MICAL3: variants seen among roughly 807,000 people sequenced by gnomAD.
The protein encoded by MICAL3 is [F-actin]-monooxygenase MICAL3.
MICAL3 carries 62 observed loss-of-function variants against 207.4 expected under a neutral mutation model. That is an observed-to-expected ratio of 0.30 (90% confidence interval 0.24 to 0.37). The LOEUF (loss-of-function observed/expected upper bound fraction) is 0.37, where lower values mean the gene tolerates loss of function less well. Ranked by LOEUF, MICAL3 falls within the 10% of genes least tolerant of loss-of-function variation. The pLI, the probability that MICAL3 is intolerant of heterozygous loss-of-function variation, is 1.00. For synonymous variants in MICAL3, 1,077 were observed against 1,069.3 expected, an observed-to-expected ratio of 1.01 and a Z score of -0.14; for missense variants, 2,368 against 2,635.6, an observed-to-expected ratio of 0.90 and a Z score of 2.22.
intron 19 of MICAL3, among the ~76,000 whole-genome samples, chr22:17,847,615 C>CCGA (rs1569092924): frequency 2.0e-5 from 3 of 152,040 alleles, no homozygotes; most frequent in Admixed American, 6.5e-5. Flanking sequence ...ATAAAAGGGG[C>CCGA]CGACCGTGAC....
intron 1 of MICAL3, among the ~76,000 whole-genome samples, chr22:18,007,000 G>C (rs1045545495): frequency 2.0e-5 from 3 of 152,104 alleles, no homozygotes; most frequent in African/African-American, 7.2e-5. Context: ...GAGATTACAG[G>C]CACCCGCCAT....
Position 17,860,995 on chromosome 22 carries a change from A to C in MICAL3, c.2605+3904T>G, listed in dbSNP as rs183420543. 1.2e-5 allele frequency: 12 copies of C among 985,074 alleles called. No homozygotes were observed. In the African/African-American group the frequency reaches 2.1e-4, roughly 17 times the overall value. 61.0% of individuals were successfully genotyped at this position (985,074 alleles called of 1,614,324 possible). A position where few individuals can be genotyped will look rare whatever the true frequency, so the allele number is the denominator to read the frequency against. On this transcript the variant is annotated intron_variant, in intron 19 of 31. Coordinates refer to ENST00000441493, the MANE Select transcript of MICAL3 (RefSeq NM_015241.3). Reference sequence around the variant, plus strand: ...TATGTGCAATTAGATCTATATACATACAAACGTGTACCTATATATAAACAT... The same window carrying C: ...TATGTGCAATTAGATCTATATACATCCAAACGTGTACCTATATATAAACAT...
At chr22:18,016,446 C>G (rs1323663606) in intron 1 of MICAL3, among the ~76,000 whole-genome samples, 1 of 152,076 alleles carries the variant, frequency 6.6e-6, no homozygotes, top group Non-Finnish European at 1.5e-5. Context: ...CTTTTAACAA[C>G]TATAGACAGG....
intron 1 of MICAL3, chr22:18,001,641 C>T (rs1461208863): frequency 6.6e-6 from 1 of 152,596 alleles, no homozygotes; most frequent in Non-Finnish European, 1.5e-5. Context: ...TCAGGGACTC[C>T]ATTGCTACTT....
chr22:17,888,546 C>G (rs536584983), intron 13 of MICAL3, among the ~76,000 whole-genome samples: 33 of 152,266 alleles, frequency 2.2e-4, no homozygotes, highest in Middle Eastern at 3.4e-3. Context: ...ACATCGTTCT[C>G]CGGTGCTCAA....
intron 1 of MICAL3, chr22:18,004,229 T>C (rs1029897749): frequency 6.6e-6 from 1 of 152,178 alleles, no homozygotes; most frequent in Admixed American, 6.6e-5. Flanking sequence ...ATAACCCAAC[T>C]GTCCATGCTC....
chr22:17,817,641 A>G lies in MICAL3; in HGVS notation c.5020T>C (p.Ser1674Pro), dbSNP rs755555766. Residue 1674 changes from serine to proline, a missense_variant, in exon 26 of 32, where the codon TCC becomes CCC. Around this residue, in one of 4 missense-constraint regions of MICAL3, gnomAD observed 1,770 missense variants for 1,863.2 expected, o/e 0.95. Transcript: ENST00000441493. ...KHEATSEEVLSPPSDSGGPDG... is the reference protein window; with the variant it reads ...KHEATSEEVLPPPSDSGGPDG... ...GGGCCCCCTGAGTCCGACGGCGGGG[A>G]GAGGACCTCCTCGCTGGTGGCTTCA... 1.9e-6 allele frequency: 3 copies of G among 1,612,784 alleles called. No homozygotes were observed. The highest frequency in any genetic ancestry group is 2.2e-5 in the South Asian group (2 of 91,076).
At chr22:17,829,800 G>A (rs1363536427) in intron 21 of MICAL3, among the ~76,000 whole-genome samples, 1 of 152,166 alleles carries the variant, frequency 6.6e-6, no homozygotes, top group South Asian at 2.1e-4. Context: ...AAACATATGC[G>A]GCATAGATGG....
chr22:17,808,615 T>G (rs1297437894), intron 29 of MICAL3, among the ~76,000 whole-genome samples: 1 of 152,128 alleles, frequency 6.6e-6, no homozygotes, highest in East Asian at 1.9e-4. Flanking sequence ...TTTCACTCTA[T>G]GGGAAATGGC....
At position 17,977,559 on chromosome 22, in the gene MICAL3, T is replaced by C. The variant is rs529915967; in HGVS notation, c.-75+46722A>G. ...AATAAAAAAAAAAAAAGACAGACAA[T>C]AACAAGTGTTGACAAGGATGTGGGG... On this transcript the variant is annotated intron_variant, in intron 1 of 31. Transcript: ENST00000441493. Among the ~76,000 whole-genome samples the C allele has an allele frequency of 4.7e-5, 7 of 150,050 alleles. No homozygotes were observed. The South Asian group carries it at 1.3e-3, about 27-fold the overall frequency.
chr22:17,858,154 G>C (rs1926126338), intron 19 of MICAL3, among the ~76,000 whole-genome samples: 2 of 152,218 alleles, frequency 1.3e-5, no homozygotes, highest in African/African-American at 4.8e-5. Flanking sequence ...AATGAAACGT[G>C]TTTCTGCGTA....
At chr22:17,850,848 C>G (rs1602053045) in intron 19 of MICAL3, among the ~76,000 whole-genome samples, 1 of 152,186 alleles carries the variant, frequency 6.6e-6, no homozygotes, top group African/African-American at 2.4e-5. Context: ...AAGCTACAAG[C>G]CCGACTCTCC....
intron 1 of MICAL3, among the ~76,000 whole-genome samples, chr22:17,935,621 C>G (rs1261286477): frequency 6.6e-6 from 1 of 152,186 alleles, no homozygotes; most frequent in Admixed American, 6.5e-5. Context: ...GGAAAAGAAA[C>G]TACCATCAGA....
At chr22:18,021,932 A>T (rs1924504618) in intron 1 of MICAL3, among the ~76,000 whole-genome samples, 1 of 152,190 alleles carries the variant, frequency 6.6e-6, no homozygotes, top group African/African-American at 2.4e-5. Context: ...ATCTCGCAGG[A>T]GATCTTAACC....
chr22:17,848,852 G>A (rs1924917579), intron 19 of MICAL3, among the ~76,000 whole-genome samples: 1 of 152,228 alleles, frequency 6.6e-6, no homozygotes, highest in Non-Finnish European at 1.5e-5. Context: ...CTCCTCTGCT[G>A]CCCCATTCAC....
intron 19 of MICAL3, among the ~76,000 whole-genome samples, chr22:17,855,885 G>A (rs188040139): frequency 2.0e-4 from 30 of 152,332 alleles, no homozygotes; most frequent in South Asian, 1.2e-3. Flanking sequence ...CCACGCTGCC[G>A]AGCCCAGGCT....
chr22:18,016,109 C>T (rs1924039992), intron 1 of MICAL3, among the ~76,000 whole-genome samples: 2 of 151,922 alleles, frequency 1.3e-5, no homozygotes, highest in Non-Finnish European at 2.9e-5. Context: ...TGTTGCATTC[C>T]CCACAAATGT....
At chr22:17,883,138 C>T (rs1250620998) in intron 16 of MICAL3, among the ~76,000 whole-genome samples, 2 of 152,210 alleles carry the variant, frequency 1.3e-5, no homozygotes, top group African/African-American at 4.8e-5. Flanking sequence ...TAAGCATCAT[C>T]TTTCAAATCA....
chr22:17,877,153 GGGAGGTTAT>G (rs200304380), intron 16 of MICAL3, among the ~76,000 whole-genome samples: 38 of 118,270 alleles, frequency 3.2e-4, no homozygotes, highest in South Asian at 7.9e-4. Context: ...ATGGAGGTTA[GGGAGGTTAT>G]GGAGGTTAGG....
Sources: allele counts gnomAD v4.1 joint callset (sites outside exome capture counted in the v4.1 genomes callset), GRCh38; gene constraint gnomAD v4.1.1; regional missense constraint gnomAD v4.1.1; transcripts MANE v1.5; gene names NCBI Gene and HGNC (gene_info 2026-07-23, HGNC 2026-07-21).